Variants in PYGB observed in about 807,000 individuals in gnomAD.
PYGB encodes the protein glycogen phosphorylase, brain form.
Under a neutral mutation model 94.3 loss-of-function variants are expected in PYGB, and 82 were observed. The ratio of observed to expected loss-of-function variants is 0.87; its 90% confidence interval spans 0.73 to 1.04. The LOEUF is 1.04. Ranked by LOEUF, PYGB falls within the 50% of genes least tolerant of loss-of-function variation. The pLI, the probability that PYGB is intolerant of heterozygous loss-of-function variation, is 0.00. For synonymous variants in PYGB, 488 were observed against 479.1 expected, an observed-to-expected ratio of 1.02 and a Z score of -0.24; for missense variants, 1,132 against 1,158.2, an observed-to-expected ratio of 0.98 and a Z score of 0.33.
At chr20:25,259,215 A>G (rs1568683863) in intron 1 of PYGB, 22 bp from the exon 2 acceptor site, 3 of 1,546,810 alleles carry the variant, frequency 1.9e-6, no homozygotes, top group African/African-American at 1.4e-5. Context: ...GAGAAATCTT[A>G]TTCTTTCTTC....
chr20:25,289,541 G>A (rs1269234993), intron 15 of PYGB, among the ~76,000 whole-genome samples: 1 of 152,070 alleles, frequency 6.6e-6, no homozygotes, highest in African/African-American at 2.4e-5. Context: ...AGTTACTTGG[G>A]AGGCTGAGTA....
intron 7 of PYGB, among the ~76,000 whole-genome samples, chr20:25,277,619 C>T (rs991059385): frequency 2.6e-5 from 4 of 152,184 alleles, no homozygotes; most frequent in Admixed American, 6.5e-5. Flanking sequence ...AACACACAGC[C>T]GCTCCTTGGG....
intron 2 of PYGB, among the ~76,000 whole-genome samples, chr20:25,262,380 C>G (rs2092915535): frequency 6.6e-6 from 1 of 152,168 alleles, no homozygotes; most frequent in Non-Finnish European, 1.5e-5. Flanking sequence ...CCAAACTAAG[C>G]TTCATAAGTG....
At position 25,296,532 on chromosome 20, in the gene PYGB, G is replaced by A; in HGVS notation, c.*10G>A. ...CATCCCCCGGGACTAGGCACACCCTGCCTTGGCGGGACCAGCGGGCATTTG... is the reference window on the plus strand; with the variant it reads ...CATCCCCCGGGACTAGGCACACCCTACCTTGGCGGGACCAGCGGGCATTTG... On this transcript the variant is annotated 3_prime_UTR_variant, in exon 20 of 20. Coordinates refer to ENST00000216962, the MANE Select transcript of PYGB (RefSeq NM_002862.4). The A allele has an allele frequency of 6.2e-7, 1 of 1,605,138 alleles. No homozygotes were observed. The highest frequency in any genetic ancestry group is 1.7e-4 in the Middle Eastern group (1 of 6,022).
chr20:25,267,771 T>C (rs2088230650), intron 2 of PYGB, among the ~76,000 whole-genome samples: 1 of 152,132 alleles, frequency 6.6e-6, no homozygotes. Context: ...GCTCAAACGA[T>C]CCTCCCACCT....
intron 15 of PYGB, among the ~76,000 whole-genome samples, chr20:25,289,303 A>T (rs1383342265): frequency 6.6e-6 from 1 of 152,258 alleles, no homozygotes; most frequent in African/African-American, 2.4e-5. Flanking sequence ...GTATTTCAGT[A>T]TGTAAAGTCC....
rs750406075 is a variant in PYGB at position 25,294,157 on chromosome 20, G to C, written c.2178-1G>C. ...CTGACTCCTGGCCCATCGCCTCACA[G>C]GTACAATGCCAGGGAGTACTACGAC... On this transcript the variant is annotated splice_acceptor_variant, in intron 17 of 19. Transcript: ENST00000216962. LOFTEE classifies it high-confidence loss of function. The C allele has an allele frequency of 1.2e-6, 2 of 1,613,304 alleles. No individual in the cohort carries two copies. Among genetic ancestry groups the C allele is most frequent in the East Asian group, 2.2e-5 (1 of 44,892 alleles).
At chr20:25,264,306 C>T (rs1000332715) in intron 2 of PYGB, among the ~76,000 whole-genome samples, 1 of 152,092 alleles carries the variant, frequency 6.6e-6, no homozygotes, top group Non-Finnish European at 1.5e-5. Context: ...TATGACATAC[C>T]CACAGCCAAT....
rs2088553242 is a variant in PYGB, at chr20:25,296,737, A to G, written c.*215A>G. On this transcript the variant is annotated 3_prime_UTR_variant, in exon 20 of 20. Coordinates refer to ENST00000216962, the MANE Select transcript of PYGB (RefSeq NM_002862.4). Reference sequence around the variant, plus strand: ...CCTAGTTTCTTGTAAAGGAAGCCAGAGTTGACAGTACAAAGGGTCGTGGCC... The same window carrying G: ...CCTAGTTTCTTGTAAAGGAAGCCAGGGTTGACAGTACAAAGGGTCGTGGCC... 1.6e-6 allele frequency: 1 copy of G among 644,974 alleles called. No individual in the cohort carries two copies. The highest frequency in any genetic ancestry group is 1.8e-5 in the African/African-American group (1 of 54,470). 40.0% of individuals were successfully genotyped at this position (644,974 alleles called of 1,614,324 possible). A position where few individuals can be genotyped will look rare whatever the true frequency, so the allele number is the denominator to read the frequency against.
At chr20:25,272,073 C>T (rs571142140) in intron 4 of PYGB, among the ~76,000 whole-genome samples, 53 of 152,212 alleles carry the variant, frequency 3.5e-4, no homozygotes, top group African/African-American at 1.2e-3. Flanking sequence ...AGACCATGGC[C>T]GGGAGGAGGG....
chr20:25,277,497 G>A (rs1251426745), intron 7 of PYGB, among the ~76,000 whole-genome samples, 171 bp downstream of exon 7: 1 of 152,170 alleles, frequency 6.6e-6, no homozygotes, highest in Non-Finnish European at 1.5e-5. Context: ...AGGAGAGGGT[G>A]CACTGTCCTC....
intron 2 of PYGB, among the ~76,000 whole-genome samples, chr20:25,263,223 A>T (rs1340226071): frequency 6.7e-6 from 1 of 148,312 alleles, no homozygotes; most frequent in African/African-American, 2.5e-5. Flanking sequence ...GAAGTAAAGC[A>T]CTCCTCAGCA....
chr20:25,289,868 C>A (rs1217238438), intron 15 of PYGB: 5 of 533,368 alleles, frequency 9.4e-6, no homozygotes, highest in Admixed American at 1.9e-5. Context: ...CCACACAGTA[C>A]CACCATCCGT....
intron 3 of PYGB, among the ~76,000 whole-genome samples, chr20:25,269,801 T>C (rs111540814): frequency 0.065 from 9,876 of 152,154 alleles, 989 homozygotes; most frequent in African/African-American, 0.22. Context: ...GCACATCTCA[T>C]CTCCAAGCTG....
intron 1 of PYGB, among the ~76,000 whole-genome samples, chr20:25,252,074 T>C (rs2092889623): frequency 1.3e-5 from 2 of 152,328 alleles, no homozygotes; most frequent in South Asian, 4.1e-4. Context: ...ATTTCCACTT[T>C]TATGTGTGAA....
intron 1 of PYGB, 33 bp from the exon 2 acceptor site, chr20:25,259,204 T>G: frequency 3.6e-5 from 55 of 1,518,704 alleles, no homozygotes; most frequent in Middle Eastern, 1.7e-4. Context: ...TAGAATGGAA[T>G]GAGAAATCTT....
At chr20:25,289,877 G>A (rs776077344) in intron 15 of PYGB, 11 of 533,326 alleles carry the variant, frequency 2.1e-5, no homozygotes, top group Non-Finnish European at 3.1e-5. Context: ...ACCACCATCC[G>A]TCACACCTAA....
chr20:25,283,049 G>A (rs2088382785), intron 12 of PYGB, 127 bp from the exon 13 acceptor site: 2 of 764,330 alleles, frequency 2.6e-6, no homozygotes, highest in Non-Finnish European at 4.3e-6. Flanking sequence ...GATGCCCGGA[G>A]GGGCCGGACA....
chr20:25,270,069 A>G (rs2088252386), intron 3 of PYGB, among the ~76,000 whole-genome samples: 1 of 152,128 alleles, frequency 6.6e-6, no homozygotes, highest in Admixed American at 6.5e-5. Flanking sequence ...GCGAGGCTCC[A>G]TCATCCCTCT....
Sources: allele counts gnomAD v4.1 joint callset (sites outside exome capture counted in the v4.1 genomes callset), GRCh38; gene constraint gnomAD v4.1.1; transcripts MANE v1.5; gene names NCBI Gene and HGNC (gene_info 2026-07-23, HGNC 2026-07-21).